RTN1: variants seen among roughly 807,000 people sequenced by gnomAD.
RTN1 encodes reticulon 1.
In RTN1, 25 loss-of-function variants were observed where a neutral mutation model predicts 65.5. That is an observed-to-expected ratio of 0.38 (90% CI 0.28 to 0.53). The LOEUF is 0.53. Among genes scored for constraint, RTN1 ranks in the 20% least tolerant of loss-of-function variants. The pLI, the probability that RTN1 is intolerant of heterozygous loss-of-function variation, is 0.79. For synonymous variants in RTN1, 471 were observed against 447.6 expected (o/e 1.05, Z -0.66); for missense variants, 983 against 1,025.4 (o/e 0.96, Z 0.57).
chr14:59,841,542 C>G (rs534319732), intron 1 of RTN1, among the ~76,000 whole-genome samples: 52 of 150,724 alleles, frequency 3.5e-4, no homozygotes, highest in African/African-American at 1.1e-3. Flanking sequence ...CTAAAGAAAA[C>G]ACAAAAATAC....
intron 3 of RTN1, among the ~76,000 whole-genome samples, chr14:59,723,674 T>A (rs1305022095): frequency 6.6e-6 from 1 of 152,220 alleles, no homozygotes; most frequent in Non-Finnish European, 1.5e-5. Context: ...TCCCAAGCTT[T>A]AAAGTGTATA....
At chr14:59,744,265 C>CATACCTGAGGTGCATA (rs1885171924) in intron 2 of RTN1, among the ~76,000 whole-genome samples, 1 of 152,168 alleles carries the variant, frequency 6.6e-6, no homozygotes, top group Non-Finnish European at 1.5e-5. Flanking sequence ...CATACCAAAG[C>CATACCTGAGGTGCATA]TCTTTGGGAT....
At chr14:59,697,791 G>A (rs1442147631) in intron 3 of RTN1, among the ~76,000 whole-genome samples, 1 of 152,160 alleles carries the variant, frequency 6.6e-6, no homozygotes, top group Admixed American at 6.5e-5. Flanking sequence ...TGACAAACAG[G>A]TGATGTGTCT....
Position 59,726,743 on chromosome 14 carries a change from C to G in RTN1, c.1765+176G>C, listed in dbSNP as rs769481005. On this transcript the variant is annotated intron_variant, in intron 3 of 8. Transcript: ENST00000267484. ...CGCGGTTCTGCCACCGACTTCTGTC[C>G]CAGCTGCAGATCTGAATTCTCTCAT... 3.3e-5 allele frequency among the ~76,000 whole-genome samples: 5 copies of G among 152,144 alleles called. No homozygotes were observed. In the East Asian group the frequency reaches 7.7e-4, roughly 23 times the overall value.
At chr14:59,742,613 T>C (rs1246035336) in intron 2 of RTN1, among the ~76,000 whole-genome samples, 1 of 152,254 alleles carries the variant, frequency 6.6e-6, no homozygotes, top group African/African-American at 2.4e-5. Flanking sequence ...TGGCTAAAGC[T>C]AACCCAAATT....
chr14:59,619,173 A>G (rs1219031680), intron 3 of RTN1, among the ~76,000 whole-genome samples: 1 of 152,256 alleles, frequency 6.6e-6, no homozygotes, highest in East Asian at 1.9e-4. Context: ...GGGAGAAACG[A>G]GGAAGAGCTA....
intron 1 of RTN1, among the ~76,000 whole-genome samples, chr14:59,798,669 T>C (rs1886483606): frequency 6.6e-6 from 1 of 152,158 alleles, no homozygotes; most frequent in Non-Finnish European, 1.5e-5. Flanking sequence ...ACTCTTGTGA[T>C]TACATTGGGC....
At chr14:59,614,068 C>T (rs183864587) in intron 3 of RTN1, among the ~76,000 whole-genome samples, 15 of 152,206 alleles carry the variant, frequency 9.9e-5, no homozygotes, top group African/African-American at 2.9e-4. Context: ...GACAAGAAAA[C>T]GCCCCCACTA....
intron 1 of RTN1, among the ~76,000 whole-genome samples, chr14:59,757,803 C>G (rs577592702): frequency 6.6e-6 from 1 of 152,088 alleles, no homozygotes. Flanking sequence ...TATAAGCCAC[C>G]TAGTTTATGG....
intron 1 of RTN1, among the ~76,000 whole-genome samples, chr14:59,859,142 T>C (rs1162693938): frequency 1.3e-5 from 2 of 152,244 alleles, no homozygotes; most frequent in Admixed American, 6.5e-5. Flanking sequence ...ATGTGGTTTA[T>C]TTTTTGAGAA....
chr14:59,711,645 G>A (rs1259742876), intron 3 of RTN1, among the ~76,000 whole-genome samples: 7 of 152,152 alleles, frequency 4.6e-5, no homozygotes, highest in African/African-American at 1.7e-4. Context: ...TACTCACTAG[G>A]CATCACTGTA....
chr14:59,660,937 G>A (rs1883230448), intron 3 of RTN1, among the ~76,000 whole-genome samples: 1 of 151,728 alleles, frequency 6.6e-6, no homozygotes, highest in Admixed American at 6.6e-5. Context: ...AAAAACCAAA[G>A]AATCCAGGAG....
chr14:59,613,798 C>A (rs1882028280), intron 3 of RTN1, among the ~76,000 whole-genome samples: 1 of 140,930 alleles, frequency 7.1e-6, no homozygotes, highest in Admixed American at 7.4e-5. Context: ...ACCACATACC[C>A]TGTTTTGGAA....
rs900658696 is a variant in RTN1, at chr14:59,727,249, C to T, written c.1435G>A (p.Glu479Lys). 6.5e-7 allele frequency: 1 copy of T among 1,532,360 alleles called. No homozygotes were observed. Among genetic ancestry groups the T allele is most frequent in the Non-Finnish European group, 8.8e-7 (1 of 1,139,580 alleles). 94.9% of individuals were successfully genotyped at this position (1,532,360 alleles called of 1,614,324 possible). The change falls in exon 3 of 9, where the codon GAG becomes AAG. Residue 479 changes from glutamate (E) to lysine (K), a missense_variant. Around this residue, in one of 2 missense-constraint regions of RTN1, gnomAD observed 818 missense variants for 801.8 expected, o/e 1.02. Transcript: ENST00000267484. This position sits in a 1 kb window ranked among gnomAD's most constrained non-coding sequence, Gnocchi z 4.2. ...ESCDASSASE[E>K]SPKREQDSPP... ...GAGTCCTGCTCCCGCTTGGGGCTCT[C>T]CTCCGAGGCCGAGGAGGCGTCGCAC...
intron 1 of RTN1, among the ~76,000 whole-genome samples, chr14:59,833,272 C>T (rs1349661265): frequency 1.3e-5 from 2 of 152,102 alleles, no homozygotes; most frequent in African/African-American, 2.4e-5. Context: ...GCAGAACTTA[C>T]AAGCTTAGAG....
At chr14:59,758,846 C>CA (rs1159045644) in intron 1 of RTN1, among the ~76,000 whole-genome samples, 1 of 152,166 alleles carries the variant, frequency 6.6e-6, no homozygotes, top group Admixed American at 6.5e-5. Context: ...TACCATCAAT[C>CA]ATGTGTTAAT....
At chr14:59,664,993 G>A (rs151275840) in intron 3 of RTN1, among the ~76,000 whole-genome samples, 16 of 152,034 alleles carry the variant, frequency 1.1e-4, no homozygotes, top group African/African-American at 1.9e-4. Context: ...CATTCTTGCC[G>A]CATTTAGTGT....
At position 59,749,150 on chromosome 14, in the gene RTN1, CTATCTA is replaced by C. The variant is rs1488486786; in HGVS notation, c.242-2675_242-2670del. Among the ~76,000 whole-genome samples, 278 of 104,054 alleles carry C rather than the reference CTATCTA, an allele frequency of 2.7e-3. 25 individuals are homozygous for C. Among genetic ancestry groups the C allele is most frequent in the African/African-American group, 0.014 (236 of 17,224 alleles). The allele number at this position is 104,054 out of a possible 152,430, so 68.3% of individuals were successfully genotyped here. On this transcript the variant is annotated intron_variant, in intron 1 of 8. Transcript: ENST00000267484. ...GATATATCTATATCTATCTATCTAT[CTATCTA>C]TATCTATCTATATATCTATCTATAT...
At position 59,829,883 on chromosome 14, in the gene RTN1, C is replaced by A. The variant is rs1887096262; in HGVS notation, c.241+40507G>T. 6.6e-6 allele frequency among the ~76,000 whole-genome samples: 1 copy of A among 152,120 alleles called. No homozygotes were observed. The highest frequency in any genetic ancestry group is 6.5e-5 in the Admixed American group (1 of 15,276). ...GACAGGAATGTACCCAGAGAGAAACCAAAAATATTTCTCAAATAGCATTCA... is the reference window on the plus strand; with the variant it reads ...GACAGGAATGTACCCAGAGAGAAACAAAAAATATTTCTCAAATAGCATTCA... On this transcript the variant is annotated intron_variant, in intron 1 of 8. Coordinates refer to ENST00000267484, the MANE Select transcript of RTN1 (RefSeq NM_021136.3). This position sits in a 1 kb window ranked among gnomAD's most constrained non-coding sequence, Gnocchi z 4.3.
Sources: allele counts gnomAD v4.1 joint callset (sites outside exome capture counted in the v4.1 genomes callset), GRCh38; gene constraint gnomAD v4.1.1; regional missense constraint gnomAD v4.1.1; non-coding constraint Gnocchi (gnomAD v3.1); transcripts MANE v1.5; gene names NCBI Gene and HGNC (gene_info 2026-07-23, HGNC 2026-07-21).